Variants in KIAA1217 observed in about 807,000 individuals in gnomAD.
KIAA1217 encodes the protein sickle tail protein homolog.
Under a neutral mutation model 163.9 loss-of-function variants are expected in KIAA1217, and 88 were observed. That is an observed-to-expected ratio of 0.54 (90% CI 0.45 to 0.64). The LOEUF (loss-of-function observed/expected upper bound fraction) is 0.64. Ranked by LOEUF, KIAA1217 falls within the 30% of genes least tolerant of loss-of-function variation. The probability of loss-of-function intolerance (pLI) is 0.00; values close to 1 mark genes in which losing one functional copy is unlikely to be tolerated. For missense variants in KIAA1217, 2,372 were observed against 2,475.0 expected (o/e 0.96, Z 0.88); for synonymous variants, 903 against 923.1 (o/e 0.98, Z 0.39).
intron 1 of KIAA1217, among the ~76,000 whole-genome samples, chr10:23,904,242 A>T (rs150586260): frequency 3.1e-4 from 47 of 152,296 alleles, no homozygotes; most frequent in Non-Finnish European, 5.3e-4. Flanking sequence ...AAACACAGTG[A>T]ATGCTCTGTA....
At chr10:24,348,479 C>T (rs367817213) in intron 2 of KIAA1217, among the ~76,000 whole-genome samples, 2 of 152,066 alleles carry the variant, frequency 1.3e-5, no homozygotes, top group African/African-American at 4.8e-5. Flanking sequence ...CAGATAAATT[C>T]TAAATGAAAA....
At chr10:24,302,814 C>A (rs2041531808) in intron 2 of KIAA1217, among the ~76,000 whole-genome samples, 1 of 152,102 alleles carries the variant, frequency 6.6e-6, no homozygotes, top group Non-Finnish European at 1.5e-5. Flanking sequence ...GGATATCTGT[C>A]TAGTGGAAGA....
chr10:23,864,109 C>T (rs1286624304), intron 1 of KIAA1217, among the ~76,000 whole-genome samples: 1 of 147,734 alleles, frequency 6.8e-6, no homozygotes, highest in South Asian at 2.1e-4. Flanking sequence ...ATTATTCCTA[C>T]TTTACAGAAA....
intron 1 of KIAA1217, among the ~76,000 whole-genome samples, chr10:23,791,832 T>C (rs1835963198): frequency 6.6e-6 from 1 of 152,228 alleles, no homozygotes; most frequent in Admixed American, 6.5e-5. Context: ...ACAGCCTACA[T>C]CAGCATTACT....
intron 6 of KIAA1217, among the ~76,000 whole-genome samples, chr10:24,487,783 C>T (rs975780085): frequency 4.7e-4 from 72 of 152,278 alleles, no homozygotes; most frequent in African/African-American, 1.7e-3. Context: ...AAGGTTTCCC[C>T]CAACTCTGTC....
chr10:23,842,825 G>A lies in KIAA1217; in HGVS notation c.-321+147591G>A, dbSNP rs190598607. Among the ~76,000 whole-genome samples, 484 of 152,036 alleles carry A rather than the reference G, an allele frequency of 3.2e-3. 4 individuals are homozygous for A. The highest frequency in any genetic ancestry group is 0.014 in the Middle Eastern group (4 of 294). ...TGGACTTTAAAAAATACAATAATTA[G>A]AATCTTCAGATCTACTGCAGGGAAG... On this transcript the variant is annotated intron_variant, in intron 1 of 18. Transcript: ENST00000376462.
intron 2 of KIAA1217, among the ~76,000 whole-genome samples, chr10:24,109,314 T>C (rs935901715): frequency 2.0e-5 from 3 of 152,222 alleles, no homozygotes; most frequent in Non-Finnish European, 2.9e-5. Flanking sequence ...TGCCTTTTTT[T>C]AAATTGGGAT....
chr10:23,794,015 C>A (rs1345581707), intron 1 of KIAA1217, among the ~76,000 whole-genome samples: 1 of 152,134 alleles, frequency 6.6e-6, no homozygotes, highest in East Asian at 1.9e-4. Context: ...AACTATTGCC[C>A]TTCCAAATAG....
intron 2 of KIAA1217, among the ~76,000 whole-genome samples, chr10:24,260,832 C>T (rs1455123294): frequency 6.6e-6 from 1 of 152,072 alleles, no homozygotes; most frequent in Non-Finnish European, 1.5e-5. Flanking sequence ...CTAGACTTGA[C>T]AGAATTTGTT....
chr10:24,001,059 C>G lies in KIAA1217; in HGVS notation c.-320-6166C>G, dbSNP rs1589216887. 2.1e-5 allele frequency among the ~76,000 whole-genome samples: 3 copies of G among 145,800 alleles called. No homozygotes were observed. The South Asian group carries it at 6.6e-4, about 32-fold the overall frequency. On this transcript the variant is annotated intron_variant, in intron 1 of 18. Coordinates refer to the KIAA1217 transcript ENST00000376462. ...AAAGATATTGCAGAATAGGGCCAGACTGCAAAGTAAACACACACACACACA... is the reference window on the plus strand; with the variant it reads ...AAAGATATTGCAGAATAGGGCCAGAGTGCAAAGTAAACACACACACACACA...
At chr10:24,436,167 C>A (rs2060003975) in intron 4 of KIAA1217, among the ~76,000 whole-genome samples, 1 of 151,700 alleles carries the variant, frequency 6.6e-6, no homozygotes, top group African/African-American at 2.4e-5. Flanking sequence ...AGCTTGATAG[C>A]CTAAAGTTAT....
chr10:24,100,538 T>C (rs1050677815), intron 2 of KIAA1217, among the ~76,000 whole-genome samples: 5 of 152,196 alleles, frequency 3.3e-5, no homozygotes, highest in African/African-American at 4.8e-5. Flanking sequence ...TGACTGTAAA[T>C]AGGGTGCTTT....
At chr10:23,953,603 C>T (rs572497012) in intron 1 of KIAA1217, among the ~76,000 whole-genome samples, 11 of 152,260 alleles carry the variant, frequency 7.2e-5, no homozygotes, top group East Asian at 3.9e-4. Context: ...TTTCTATACC[C>T]GACTCAACTA....
intron 1 of KIAA1217, among the ~76,000 whole-genome samples, chr10:23,864,802 C>A (rs1840111833): frequency 6.6e-6 from 1 of 151,974 alleles, no homozygotes; most frequent in Non-Finnish European, 1.5e-5. Context: ...GCTGACAAAT[C>A]CAAATTGTGC....
At chr10:24,222,949 T>C (rs1177710310) in intron 2 of KIAA1217, among the ~76,000 whole-genome samples, 1 of 152,198 alleles carries the variant, frequency 6.6e-6, no homozygotes, top group African/African-American at 2.4e-5. Flanking sequence ...GCCTCCCCTT[T>C]TTAGACCATA....
chr10:24,047,067 G>T (rs1016085983), intron 2 of KIAA1217, among the ~76,000 whole-genome samples: 2 of 152,188 alleles, frequency 1.3e-5, no homozygotes, highest in Non-Finnish European at 2.9e-5. Context: ...AAGTGGGAAA[G>T]GATGAGAACA....
Position 24,274,351 on chromosome 10 carries a change from A to ATT in KIAA1217, c.354+54456_354+54457dup, listed in dbSNP as rs71871934. 5.0e-4 allele frequency among the ~76,000 whole-genome samples: 72 copies of ATT among 144,610 alleles called. 1 individual carries two copies. Among genetic ancestry groups the ATT allele is most frequent in the Admixed American group, 1.4e-3 (20 of 14,386 alleles). 94.9% of individuals were successfully genotyped at this position (144,610 alleles called of 152,430 possible). A position where few individuals can be genotyped will look rare whatever the true frequency, so the allele number is the denominator to read the frequency against. On this transcript the variant is annotated intron_variant, in intron 2 of 20. Transcript: ENST00000376454. ...TGGTGCATGCCACCAAGTCCAGCTA[A>ATT]TTTTTTTTTTTTTTTGAGACGGAAT...
At chr10:24,098,958 T>C (rs143339598) in intron 2 of KIAA1217, among the ~76,000 whole-genome samples, 322 of 152,198 alleles carry the variant, frequency 2.1e-3, no homozygotes, top group African/African-American at 6.8e-3. Context: ...TATTCCAGCC[T>C]GGGTGACAGA....
At chr10:23,930,972 T>C (rs1843231063) in intron 1 of KIAA1217, among the ~76,000 whole-genome samples, 1 of 152,180 alleles carries the variant, frequency 6.6e-6, no homozygotes, top group African/African-American at 2.4e-5. Flanking sequence ...TTTTTGCAAT[T>C]AAAGAATACA....
Sources: gnomAD v4.1 joint callset for allele counts (sites outside exome capture counted in the v4.1 genomes callset) on GRCh38, gnomAD v4.1.1 for gene constraint, MANE v1.5 for transcripts, NCBI Gene and HGNC (gene_info 2026-07-23, HGNC 2026-07-21) for gene names.